Variants in CCDC39 observed in about 807,000 individuals in gnomAD.
CCDC39 encodes coiled-coil domain 39 molecular ruler complex subunit, also known as coiled-coil domain-containing protein 39.
Under a neutral mutation model 121.0 loss-of-function variants are expected in CCDC39, and 113 were observed. The observed-to-expected ratio is 0.93, with a 90% CI of 0.80 to 1.09. The LOEUF (loss-of-function observed/expected upper bound fraction) is 1.09, where lower values mean the gene tolerates loss of function less well. Among genes scored for constraint, CCDC39 ranks in the 50% least tolerant of loss-of-function variants. The pLI is 0.00. For synonymous variants in CCDC39, 349 were observed against 352.2 expected, an observed-to-expected ratio of 0.99 and a Z score of 0.10; for missense variants, 1,063 against 1,074.7, an observed-to-expected ratio of 0.99 and a Z score of 0.15.
At chr3:180,623,403 T>C (rs1294512471) in intron 14 of CCDC39, among the ~76,000 whole-genome samples, 1 of 152,042 alleles carries the variant, frequency 6.6e-6, no homozygotes, top group Non-Finnish European at 1.5e-5. Context: ...GAACAAAGTT[T>C]TAATTTCCTT....
At position 180,614,562 on chromosome 3, in the gene CCDC39, C is replaced by T. The variant is rs1004513826; in HGVS notation, c.*359G>A. ...ACATTGCAATACGCTCATAATAGTACAGTAAATCTTTAGAAATTTCTTCTT... is the reference window on the plus strand; with the variant it reads ...ACATTGCAATACGCTCATAATAGTATAGTAAATCTTTAGAAATTTCTTCTT... On this transcript the variant is annotated 3_prime_UTR_variant, in exon 20 of 20. Coordinates refer to ENST00000476379, the MANE Select transcript of CCDC39 (RefSeq NM_181426.2). 6.6e-5 allele frequency: 13 copies of T among 196,074 alleles called. No individual in the cohort carries two copies. The highest frequency in any genetic ancestry group is 2.1e-3 in the Middle Eastern group (1 of 476). The allele number at this position is 196,074 out of a possible 1,614,324, so 12.1% of individuals were successfully genotyped here. A position where few individuals can be genotyped will look rare whatever the true frequency, so the allele number is the denominator to read the frequency against.
chr3:180,670,222 A>C (rs764917970), intron 1 of CCDC39, among the ~76,000 whole-genome samples: 1 of 152,140 alleles, frequency 6.6e-6, no homozygotes, highest in Non-Finnish European at 1.5e-5. Context: ...GCCTTGTAAA[A>C]AAAAAATTAT....
chr3:180,662,675 T>C (rs1043087896), intron 2 of CCDC39, among the ~76,000 whole-genome samples: 41 of 152,296 alleles, frequency 2.7e-4, no homozygotes, highest in African/African-American at 9.6e-4. Context: ...AATCCCCAGC[T>C]CAGTAGTTTA....
intron 3 of CCDC39, 145 bp from the exon 4 acceptor site, chr3:180,660,873 C>T: frequency 3.5e-6 from 2 of 564,196 alleles, no homozygotes; most frequent in Non-Finnish European, 6.0e-6. Flanking sequence ...TTATAATATG[C>T]CATATTTTAA....
At chr3:180,667,317 C>T (rs1711907873) in intron 1 of CCDC39, among the ~76,000 whole-genome samples, 1 of 152,142 alleles carries the variant, frequency 6.6e-6, no homozygotes, top group African/African-American at 2.4e-5. Flanking sequence ...TACAGACACA[C>T]TCCATTTCAT....
intron 9 of CCDC39, among the ~76,000 whole-genome samples, chr3:180,650,590 C>T (rs1322295448): frequency 1.3e-5 from 2 of 152,148 alleles, no homozygotes; most frequent in African/African-American, 4.8e-5. Context: ...GGCATGGTGG[C>T]TCACACCTGT....
chr3:180,670,971 G>A (rs1289668581), intron 1 of CCDC39, among the ~76,000 whole-genome samples: 11 of 151,912 alleles, frequency 7.2e-5, no homozygotes. Context: ...CAACATATTG[G>A]GAGGCCAAGG....
chr3:180,671,777 G>C (rs1032600320), intron 1 of CCDC39, among the ~76,000 whole-genome samples: 1 of 152,186 alleles, frequency 6.6e-6, no homozygotes, highest in African/African-American at 2.4e-5. Context: ...TTCTATGAAG[G>C]CTGAGAAGGG....
intron 6 of CCDC39, among the ~76,000 whole-genome samples, chr3:180,655,505 C>T (rs368203586): frequency 6.8e-6 from 1 of 146,234 alleles, no homozygotes; most frequent in Admixed American, 6.9e-5. Context: ...AGTCATTAGT[C>T]GACATTATAC....
chr3:180,647,657 T>C (rs1718104499), intron 10 of CCDC39, among the ~76,000 whole-genome samples: 1 of 152,132 alleles, frequency 6.6e-6, no homozygotes, highest in Non-Finnish European at 1.5e-5. Context: ...CTTAATATTA[T>C]ACTTTAACAT....
At chr3:180,651,620 TG>T (rs1236439377) in intron 8 of CCDC39, 87 bp from the exon 9 acceptor site, 10 of 1,301,858 alleles carry the variant, frequency 7.7e-6, no homozygotes, top group Non-Finnish European at 1.0e-5. Context: ...AATATTTATT[TG>T]TATAACTTGA....
intron 11 of CCDC39, among the ~76,000 whole-genome samples, chr3:180,645,064 A>G (rs1718039124): frequency 6.6e-6 from 1 of 152,108 alleles, no homozygotes; most frequent in Non-Finnish European, 1.5e-5. Context: ...TTAATTACCT[A>G]CTAACCATCT....
intron 16 of CCDC39, among the ~76,000 whole-genome samples, chr3:180,619,033 C>T (rs1560080233): frequency 1.3e-5 from 2 of 152,046 alleles, no homozygotes; most frequent in Non-Finnish European, 2.9e-5. Context: ...CAACTAATAA[C>T]AAGTAATCAT....
At chr3:180,621,826 C>T (rs1005447932) in intron 14 of CCDC39, among the ~76,000 whole-genome samples, 13 of 152,126 alleles carry the variant, frequency 8.5e-5, no homozygotes, top group African/African-American at 2.7e-4. Context: ...GTTTTGGTTA[C>T]TATAGCCTTG....
At chr3:180,641,068 G>T (rs2108418356) in intron 13 of CCDC39, among the ~76,000 whole-genome samples, 1 of 152,128 alleles carries the variant, frequency 6.6e-6, no homozygotes, top group Admixed American at 6.5e-5. Context: ...GTATGCAAAA[G>T]ATAATATGTA....
chr3:180,616,384 A>T, intron 18 of CCDC39, 21 bp from the exon 19 acceptor site: 1 of 1,595,062 alleles, frequency 6.3e-7, no homozygotes. Flanking sequence ...ATTCAATAGC[A>T]ATCATTAGTA....
intron 2 of CCDC39, among the ~76,000 whole-genome samples, chr3:180,662,927 G>C (rs141547479): frequency 2.8e-4 from 43 of 152,224 alleles, no homozygotes; most frequent in Non-Finnish European, 4.7e-4. Flanking sequence ...ACTAGTTTGA[G>C]ACAGAAGTTA....
intron 1 of CCDC39, among the ~76,000 whole-genome samples, chr3:180,676,023 C>A (rs903810913): frequency 3.3e-5 from 5 of 152,092 alleles, no homozygotes; most frequent in African/African-American, 1.2e-4. Context: ...AAATGTTAGA[C>A]CTAAAACCAT....
chr3:180,634,652 A>G lies in CCDC39; in HGVS notation c.1875-3060T>C, dbSNP rs554753514. Reference sequence around the variant, plus strand: ...AAGCCGTGATCTACAGCCAGCACTCAGGTGAGAGAGCAGCCCCCACTTACA... The same window carrying G: ...AAGCCGTGATCTACAGCCAGCACTCGGGTGAGAGAGCAGCCCCCACTTACA... On this transcript the variant is annotated intron_variant, in intron 13 of 19. Coordinates refer to ENST00000476379, the MANE Select transcript of CCDC39 (RefSeq NM_181426.2). 2.8e-4 allele frequency among the ~76,000 whole-genome samples: 42 copies of G among 152,296 alleles called. 1 individual carries two copies. The South Asian group carries it at 8.5e-3, about 31-fold the overall frequency.
Sources: allele counts gnomAD v4.1 joint callset (sites outside exome capture counted in the v4.1 genomes callset), GRCh38; gene constraint gnomAD v4.1.1; transcripts MANE v1.5; gene names NCBI Gene and HGNC (gene_info 2026-07-23, HGNC 2026-07-21).